Variants in PHF19 observed in about 807,000 individuals in gnomAD.
PHF19 encodes PHD finger protein 19.
A neutral mutation model predicts 79.8 loss-of-function variants in PHF19; 21 were observed. The observed-to-expected ratio is 0.26, with a 90% CI of 0.19 to 0.38. The LOEUF (loss-of-function observed/expected upper bound fraction) is 0.38, where lower values mean the gene tolerates loss of function less well. PHF19 is among the 10% of genes least tolerant of loss of function. The pLI is 1.00. For synonymous variants in PHF19, 273 were observed against 296.3 expected (o/e 0.92, Z 0.81); for missense variants, 445 against 744.2 (o/e 0.60, Z 4.68).
At chr9:120,897,806 C>G (rs1158408936), upstream of PHF19, among the ~76,000 whole-genome samples, 1 of 151,618 alleles carries the variant, frequency 6.6e-6, no homozygotes, top group Non-Finnish European at 1.5e-5. Context: ...TGGTGAAACC[C>G]CATCTCTGCA....
At chr9:120,899,577 A>G (rs1588144599), upstream of PHF19, among the ~76,000 whole-genome samples, 1 of 152,190 alleles carries the variant, frequency 6.6e-6, no homozygotes, top group Admixed American at 6.5e-5. Context: ...GGCTTCTGCA[A>G]TTGGCATCCT....
Position 120,856,436 on chromosome 9 carries a change from A to G in PHF19, c.*1508T>C, listed in dbSNP as rs2045362996. On this transcript the variant is annotated 3_prime_UTR_variant, in exon 15 of 15. Coordinates refer to ENST00000373896, the MANE Select transcript of PHF19 (RefSeq NM_015651.3). ...TCGCCTTCCTGCTGGCGGCCTGCAA[A>G]ACCAGCCAAGCTGGAGGCCACAGCA... The G allele has an allele frequency of 6.6e-6, 1 of 152,364 alleles. No homozygotes were observed. Among genetic ancestry groups the G allele is most frequent in the African/African-American group, 2.4e-5 (1 of 41,448 alleles). 9.4% of individuals were successfully genotyped at this position (152,364 alleles called of 1,614,324 possible).
At chr9:120,898,849 G>C (rs1453772124), upstream of PHF19, among the ~76,000 whole-genome samples, 9 of 152,106 alleles carry the variant, frequency 5.9e-5, no homozygotes. Context: ...AGCGATGTAG[G>C]TAGAGCCTGC....
rs979758606 is a variant in PHF19 at position 120,856,735 on chromosome 9, GTGAT to G, written c.*1205_*1208del. ...TAAAAATTTCAACCTATCCCAAAAA[GTGAT>G]TGTCCATTTCAGGGCAGGGCAAGGG... On this transcript the variant is annotated 3_prime_UTR_variant, in exon 15 of 15. Coordinates refer to ENST00000373896, the MANE Select transcript of PHF19 (RefSeq NM_015651.3). 1.3e-5 allele frequency: 2 copies of G among 152,678 alleles called. No individual in the cohort carries two copies. The highest frequency in any genetic ancestry group is 4.8e-5 in the African/African-American group (2 of 41,464). 9.5% of individuals were successfully genotyped at this position (152,678 alleles called of 1,614,324 possible).
At chr9:120,896,437 CTTTTTTTTTTTTTCTTTTT>C (rs1416453442), upstream of PHF19, among the ~76,000 whole-genome samples, 3 of 124,040 alleles carry the variant, frequency 2.4e-5, no homozygotes, top group African/African-American at 9.1e-5. Flanking sequence ...TTGTATGGTT[CTTTTTTTTTTTTTCTTTTT>C]TTTTTTTTTT....
chr9:120,869,142 C>A lies in PHF19; in HGVS notation c.614+40G>T. On this transcript the variant is annotated intron_variant, in intron 6 of 14. Coordinates refer to ENST00000373896, the MANE Select transcript of PHF19 (RefSeq NM_015651.3). The surrounding 1 kb of genome is among the most constrained non-coding windows in gnomAD (Gnocchi z 5.8). ...GGTCCCTGCTGGCGATTCTTGGAGA[C>A]CTGCCCTGCCGCCCGGGGGGCCCTG... 1.3e-6 allele frequency: 2 copies of A among 1,574,868 alleles called. No individual in the cohort carries two copies. The highest frequency in any genetic ancestry group is 1.2e-5 in the South Asian group (1 of 86,572).
chr9:120,873,052 A>T (rs1215687235), intron 3 of PHF19, among the ~76,000 whole-genome samples: 1 of 152,208 alleles, frequency 6.6e-6, no homozygotes, highest in Non-Finnish European at 1.5e-5. Flanking sequence ...CTCTCACATG[A>T]AGAAACTAAA....
chr9:120,899,863 G>T (rs2046425759), upstream of PHF19, among the ~76,000 whole-genome samples: 1 of 152,204 alleles, frequency 6.6e-6, no homozygotes, highest in Non-Finnish European at 1.5e-5. Context: ...CATGACACTG[G>T]TGCAGGACAC....
At chr9:120,881,814 T>A (rs1242651067), upstream of PHF19, among the ~76,000 whole-genome samples, 4 of 152,198 alleles carry the variant, frequency 2.6e-5, no homozygotes, top group Non-Finnish European at 5.9e-5. Flanking sequence ...TAGGCCAGAG[T>A]GCAGTGGCAC....
rs116117696 is a variant in PHF19 at position 120,884,153 on chromosome 9, A to C, written c.43-9397T>G. 3.2e-3 allele frequency among the ~76,000 whole-genome samples: 480 copies of C among 152,328 alleles called. 1 individual carries two copies. Among genetic ancestry groups the C allele is most frequent in the African/African-American group, 0.01 (417 of 41,584 alleles). On this transcript the variant is annotated intron_variant, in intron 1 of 14. Coordinates refer to the PHF19 transcript ENST00000616568. The stretch of plus-strand genomic sequence containing the variant: ...GAGATATTTTGTCTTCTTGTTTTTT[A>C]TCAATTAGGTCTACATACTACATTC...
At chr9:120,872,328 G>C (rs2045927268) in intron 3 of PHF19, among the ~76,000 whole-genome samples, 1 of 152,210 alleles carries the variant, frequency 6.6e-6, no homozygotes, top group Admixed American at 6.5e-5. Context: ...ATTCTGCCCG[G>C]AAGGGGCAGT....
chr9:120,873,179 C>G (rs1397418950), intron 3 of PHF19, among the ~76,000 whole-genome samples: 4 of 152,230 alleles, frequency 2.6e-5, no homozygotes. Context: ...GGCCATGTCT[C>G]TTCTCCTGTT....
rs141106667 is a variant in PHF19 at position 120,872,434 on chromosome 9, G to A, written c.268+1545C>T. Reference sequence around the variant, plus strand: ...GCCTCCACAGGAGGTCAGCTAAGGTGCATGGTCTTCTCCATCTGGCTCCTT... The same window carrying A: ...GCCTCCACAGGAGGTCAGCTAAGGTACATGGTCTTCTCCATCTGGCTCCTT... On this transcript the variant is annotated intron_variant, in intron 3 of 14. Coordinates refer to ENST00000373896, the MANE Select transcript of PHF19 (RefSeq NM_015651.3). Among the ~76,000 whole-genome samples the A allele has an allele frequency of 9.4e-3, 1,435 of 152,352 alleles. 17 individuals carry two copies. The highest frequency in any genetic ancestry group is 0.027 in the African/African-American group (1,128 of 41,580).
At chr9:120,877,296 G>T (rs2046094585), upstream of PHF19, 1 of 961,240 alleles carries the variant, frequency 1.0e-6, no homozygotes, top group Non-Finnish European at 1.2e-6. Context: ...CGCTCAGGAA[G>T]GGGCCCCCCG....
intron 1 of PHF19, among the ~76,000 whole-genome samples, chr9:120,886,132 G>C (rs547456280): frequency 7.9e-5 from 12 of 152,364 alleles, no homozygotes; most frequent in Non-Finnish European, 1.3e-4. Flanking sequence ...GCCTCCCCCT[G>C]CAGAGGAGAG....
At chr9:120,867,373 G>A (rs1039262587) in intron 6 of PHF19, among the ~76,000 whole-genome samples, 8 of 152,232 alleles carry the variant, frequency 5.3e-5, no homozygotes, top group Non-Finnish European at 8.8e-5. Flanking sequence ...AGACTTCACG[G>A]GAGAATAATG....
At position 120,856,038 on chromosome 9, in the gene PHF19, C is replaced by T. The variant is rs2045354325; in HGVS notation, c.*1906G>A. 1 of 152,636 alleles carries T rather than the reference C, an allele frequency of 6.6e-6. No homozygotes were observed. Among genetic ancestry groups the T allele is most frequent in the Admixed American group, 6.5e-5 (1 of 15,286 alleles). 9.5% of individuals were successfully genotyped at this position (152,636 alleles called of 1,614,324 possible). A position where few individuals can be genotyped will look rare whatever the true frequency, so the allele number is the denominator to read the frequency against. ...GGGCTCTCTGAAGCCAGGCAGGAAG[C>T]TACAAATTGGATCCCAGTTCCCACA... On this transcript the variant is annotated 3_prime_UTR_variant, in exon 15 of 15. Coordinates refer to ENST00000373896, the MANE Select transcript of PHF19 (RefSeq NM_015651.3).
chr9:120,864,439 A>G (rs1189637125), intron 9 of PHF19, among the ~76,000 whole-genome samples: 3 of 65,954 alleles, frequency 4.5e-5, no homozygotes, highest in Non-Finnish European at 8.9e-5. Flanking sequence ...AACTTTACAT[A>G]CAAAAAAAAA....
At chr9:120,895,418 C>CA (rs1301901530), upstream of PHF19, among the ~76,000 whole-genome samples, 5 of 133,816 alleles carry the variant, frequency 3.7e-5, no homozygotes, top group East Asian at 9.0e-4. Flanking sequence ...GATCCCGTCT[C>CA]AAAAAAATAA....
Sources: allele counts gnomAD v4.1 joint callset (sites outside exome capture counted in the v4.1 genomes callset), GRCh38; gene constraint gnomAD v4.1.1; non-coding constraint Gnocchi (gnomAD v3.1); transcripts MANE v1.5; gene names NCBI Gene and HGNC (gene_info 2026-07-23, HGNC 2026-07-21).